Variants in TSPAN9 observed in about 807,000 individuals in gnomAD.
TSPAN9 encodes tetraspanin 9.
A neutral mutation model predicts 31.0 loss-of-function variants in TSPAN9; 16 were observed. The observed-to-expected ratio is 0.52, with a 90% CI of 0.35 to 0.78. The LOEUF (loss-of-function observed/expected upper bound fraction) is 0.78. Ranked by LOEUF, TSPAN9 falls within the 30% of genes least tolerant of loss-of-function variation. The pLI, the probability that TSPAN9 is intolerant of heterozygous loss-of-function variation, is 0.01. For synonymous variants in TSPAN9, 145 were observed against 121.6 expected (o/e 1.19, Z -1.27); for missense variants, 272 against 312.5 (o/e 0.87, Z 0.98).
intron 2 of TSPAN9, among the ~76,000 whole-genome samples, chr12:3,129,732 A>G (rs1204334152): frequency 6.6e-6 from 1 of 152,230 alleles, no homozygotes; most frequent in East Asian, 1.9e-4. Flanking sequence ...GCAAAAATTA[A>G]GAGCTCAGCT....
chr12:3,165,497 A>T (rs1291471399), intron 2 of TSPAN9, among the ~76,000 whole-genome samples: 1 of 152,122 alleles, frequency 6.6e-6, no homozygotes, highest in Admixed American at 6.5e-5. Flanking sequence ...GTCTTATTTC[A>T]CGGGGGAGTC....
intron 5 of TSPAN9, among the ~76,000 whole-genome samples, chr12:3,279,924 C>T (rs1017993897): frequency 6.6e-6 from 1 of 151,314 alleles, no homozygotes; most frequent in African/African-American, 2.4e-5. Flanking sequence ...GGTAGAACAG[C>T]GGTGAGGGAG....
Position 3,281,181 on chromosome 12 carries a change from C to G in TSPAN9, c.433-17C>G. ...GCCATGGCATGTCTGACTGCCCCTT[C>G]CATTCCTGCTGGCCAGATGCGATGC... On this transcript the variant is annotated splice_polypyrimidine_tract_variant and intron_variant, in intron 6 of 8. Coordinates refer to ENST00000011898, the MANE Select transcript of TSPAN9 (RefSeq NM_006675.5). 6.4e-7 allele frequency: 1 copy of G among 1,550,758 alleles called. No individual in the cohort carries two copies. The highest frequency in any genetic ancestry group is 1.2e-5 in the South Asian group (1 of 84,026).
At chr12:3,206,191 C>A in intron 3 of TSPAN9, 1 of 410,268 alleles carries the variant, frequency 2.4e-6, no homozygotes, top group Non-Finnish European at 5.1e-6. Context: ...TGGCCAGAGG[C>A]CTCCTGTGGC....
chr12:3,231,647 C>T (rs535136205), intron 3 of TSPAN9, among the ~76,000 whole-genome samples: 2 of 152,326 alleles, frequency 1.3e-5, no homozygotes, highest in Admixed American at 6.5e-5. Context: ...TTGGCCAGTC[C>T]CCATGCCAGG....
intron 3 of TSPAN9, among the ~76,000 whole-genome samples, chr12:3,213,641 C>A (rs1245420595): frequency 1.3e-5 from 2 of 152,108 alleles, no homozygotes; most frequent in Admixed American, 6.6e-5. Context: ...CCCCTTCCAG[C>A]CCCCCTTCAC....
chr12:3,089,518 A>G (rs957950168), intron 2 of TSPAN9, among the ~76,000 whole-genome samples: 104 of 151,726 alleles, frequency 6.9e-4, no homozygotes, highest in African/African-American at 2.4e-3. Flanking sequence ...GGTGGTCTCG[A>G]TCTCCTGACC....
chr12:3,215,928 A>T (rs1407846234), intron 3 of TSPAN9, among the ~76,000 whole-genome samples: 1 of 152,170 alleles, frequency 6.6e-6, no homozygotes, highest in Non-Finnish European at 1.5e-5. Context: ...TGGCTTGCTC[A>T]GGCTCATTTC....
intron 2 of TSPAN9, among the ~76,000 whole-genome samples, chr12:3,157,889 G>T (rs78067231): frequency 6.6e-6 from 1 of 152,168 alleles, no homozygotes; most frequent in African/African-American, 2.4e-5. Flanking sequence ...ATAGGGTGCT[G>T]ACAAAAACAG....
At chr12:3,277,610 G>A (rs1234636561) in intron 3 of TSPAN9, among the ~76,000 whole-genome samples, 1 of 152,216 alleles carries the variant, frequency 6.6e-6, no homozygotes, top group African/African-American at 2.4e-5. Flanking sequence ...AGGGAGTCGG[G>A]GAGTGCCAGC....
intron 3 of TSPAN9, among the ~76,000 whole-genome samples, chr12:3,236,579 G>T (rs2098393856): frequency 1.3e-5 from 2 of 152,308 alleles, no homozygotes; most frequent in South Asian, 4.1e-4. Flanking sequence ...CATGCTGTTG[G>T]CCGGATCTGA....
At chr12:3,120,081 A>T (rs2098324384) in intron 2 of TSPAN9, among the ~76,000 whole-genome samples, 1 of 152,030 alleles carries the variant, frequency 6.6e-6, no homozygotes. Flanking sequence ...TTCATTGCCC[A>T]CTCGTTCCCT....
At chr12:3,123,041 C>T (rs1312174627) in intron 2 of TSPAN9, among the ~76,000 whole-genome samples, 2 of 152,250 alleles carry the variant, frequency 1.3e-5, no homozygotes, top group African/African-American at 4.8e-5. Flanking sequence ...AACAGGGAGG[C>T]GGCCCCACAG....
intron 2 of TSPAN9, among the ~76,000 whole-genome samples, chr12:3,100,863 T>C (rs2098311567): frequency 6.6e-6 from 1 of 152,354 alleles, no homozygotes; most frequent in South Asian, 2.1e-4. Context: ...CATTATCCCT[T>C]GTACCTAGCT....
intron 2 of TSPAN9, among the ~76,000 whole-genome samples, chr12:3,132,569 C>T (rs931437955): frequency 1.3e-5 from 2 of 152,082 alleles, no homozygotes; most frequent in Admixed American, 6.5e-5. Flanking sequence ...TCTCCTGACC[C>T]GGTTTGAGTC....
chr12:3,089,500 T>A (rs1374217133), intron 2 of TSPAN9, among the ~76,000 whole-genome samples: 2 of 151,796 alleles, frequency 1.3e-5, no homozygotes, highest in Non-Finnish European at 2.9e-5. Context: ...TTTTACCGTG[T>A]TGGCCAGGGT....
chr12:3,094,155 C>G (rs2098306527), intron 2 of TSPAN9, among the ~76,000 whole-genome samples: 1 of 152,142 alleles, frequency 6.6e-6, no homozygotes, highest in Non-Finnish European at 1.5e-5. Flanking sequence ...AGTGAGCCAC[C>G]ACGCCCAGCC....
At chr12:3,256,265 G>A (rs1002456818) in intron 3 of TSPAN9, among the ~76,000 whole-genome samples, 1 of 152,218 alleles carries the variant, frequency 6.6e-6, no homozygotes, top group East Asian at 1.9e-4. Flanking sequence ...CAGTCCTGGG[G>A]GCTTCGTAAG....
chr12:3,255,276 A>T (rs1862325274), intron 3 of TSPAN9, among the ~76,000 whole-genome samples: 1 of 152,220 alleles, frequency 6.6e-6, no homozygotes, highest in Admixed American at 6.5e-5. Flanking sequence ...CATGGACCTC[A>T]TCTGACTGTG....
Sources: gnomAD v4.1 joint callset for allele counts (sites outside exome capture counted in the v4.1 genomes callset) on GRCh38, gnomAD v4.1.1 for gene constraint, MANE v1.5 for transcripts, NCBI Gene and HGNC (gene_info 2026-07-23, HGNC 2026-07-21) for gene names.